The following ANLN variants were observed in gnomAD, a reference collection of about 807,000 sequenced individuals.
ANLN encodes anillin.
In ANLN, 59 loss-of-function variants were observed where a neutral mutation model predicts 135.1. The observed-to-expected ratio is 0.44, with a 90% CI of 0.35 to 0.54. ANLN has a LOEUF of 0.54. Among genes scored for constraint, ANLN ranks in the 20% least tolerant of loss-of-function variants. ANLN has a pLI of 0.00. For synonymous variants in ANLN, 406 were observed against 456.4 expected (o/e 0.89, Z 1.41); for missense variants, 1,182 against 1,340.0 (o/e 0.88, Z 1.84).
At chr7:36,441,859 G>T (rs1315515411) in intron 21 of ANLN, among the ~76,000 whole-genome samples, 1 of 152,214 alleles carries the variant, frequency 6.6e-6, no homozygotes, top group Non-Finnish European at 1.5e-5. Context: ...TTTCATGCTT[G>T]AGATTGAAAT....
At chr7:36,404,116 G>A (rs1183554714) in intron 3 of ANLN, among the ~76,000 whole-genome samples, 1 of 151,998 alleles carries the variant, frequency 6.6e-6, no homozygotes, top group African/African-American at 2.4e-5. Context: ...GTTTGCAGGC[G>A]CCCGTCACCG....
chr7:36,391,382 T>A (rs1374521591), intron 1 of ANLN, among the ~76,000 whole-genome samples: 1 of 152,200 alleles, frequency 6.6e-6, no homozygotes, highest in African/African-American at 2.4e-5. Context: ...TGGCTGAAAA[T>A]TGCACTTCAT....
rs1442803976 is a variant in ANLN, at chr7:36,419,453, C to G, written c.1843C>G (p.Gln615Glu). 1 of 1,613,684 alleles carries G rather than the reference C, an allele frequency of 6.2e-7. No homozygotes were observed. The highest frequency in any genetic ancestry group is 1.3e-5 in the African/African-American group (1 of 74,940). ...AATGTCTTTACTTGCACCATTGGCA[C>G]AAACAGTTGGTGTGGTAAGTCCAGA... ...SSMSLLAPLA[Q>E]TVGVVSPESL... Residue 615 changes from glutamine (Q) to glutamate (E), a missense_variant, in exon 10 of 24, where the codon CAA (glutamine) becomes GAA (glutamate). Gln to Glu is a conservative substitution (Grantham distance 29, BLOSUM62 2). Transcript: ENST00000265748.
At chr7:36,420,052 A>C in intron 10 of ANLN, 117 bp from the exon 11 acceptor site, 1 of 968,826 alleles carries the variant, frequency 1.0e-6, no homozygotes, top group Non-Finnish European at 1.5e-6. Context: ...TTTTATGATG[A>C]ATCAATCAGC....
At chr7:36,422,109 G>A in intron 13 of ANLN, 117 bp downstream of exon 13, 2 of 1,174,678 alleles carry the variant, frequency 1.7e-6, no homozygotes, top group East Asian at 2.7e-5. Context: ...CTGTTCCAGT[G>A]GATCTATTTT....
At chr7:36,408,842 C>T (rs1029772301) in intron 5 of ANLN, among the ~76,000 whole-genome samples, 8 of 152,162 alleles carry the variant, frequency 5.3e-5, no homozygotes, top group African/African-American at 1.9e-4. Flanking sequence ...GTGATTTATA[C>T]CTTCTGGCAC....
intron 15 of ANLN, among the ~76,000 whole-genome samples, 170 bp downstream of exon 15, chr7:36,424,113 A>C (rs193289873): frequency 3.3e-5 from 5 of 152,132 alleles, no homozygotes; most frequent in African/African-American, 9.7e-5. Context: ...ATATGTTTCT[A>C]TCCTTCCTTT....
chr7:36,449,424 T>A, intron 22 of ANLN: 1 of 310,774 alleles, frequency 3.2e-6, no homozygotes, highest in African/African-American at 2.2e-5. Context: ...TTCACCATAA[T>A]AAAGAGCTTT....
chr7:36,435,797 T>C lies in ANLN; in HGVS notation c.2884-3407T>C, dbSNP rs544307534. Among the ~76,000 whole-genome samples the C allele has an allele frequency of 3.0e-4, 37 of 124,888 alleles. No homozygotes were observed. The South Asian group carries it at 3.4e-3, about 12-fold the overall frequency. The allele number at this position is 124,888 out of a possible 152,430, so 81.9% of individuals were successfully genotyped here. A position where few individuals can be genotyped will look rare whatever the true frequency, so the allele number is the denominator to read the frequency against. On this transcript the variant is annotated intron_variant, in intron 20 of 23. Coordinates refer to ENST00000265748, the MANE Select transcript of ANLN (RefSeq NM_018685.5). ...CTGAGGCAGGAGAATGGCGTGAACC[T>C]GGGAGGCGGAGCTTGCAGTGAGCCG... is the stretch of plus-strand genomic sequence containing the variant.
Position 36,420,694 on chromosome 7 carries a change from GA to G in ANLN, c.2120del (p.Asn707IlefsTer21). 6.2e-7 allele frequency: 1 copy of G among 1,613,796 alleles called. No homozygotes were observed. The highest frequency in any genetic ancestry group is 8.5e-7 in the Non-Finnish European group (1 of 1,179,856). Reference sequence around the variant, plus strand: ...GGAAGATGTTACTTCAAAACTGGATGAAAAAAATAATGCCTTTCCTTGTCAA... The same window carrying G: ...GGAAGATGTTACTTCAAAACTGGATGAAAAAATAATGCCTTTCCTTGTCAA... ...RKEDVTSKLD[E>X]KNNAFPCQVN... On this transcript the variant is annotated frameshift_variant, in exon 12 of 24. Coordinates refer to ENST00000265748, the MANE Select transcript of ANLN (RefSeq NM_018685.5). LOFTEE classifies it high-confidence loss of function.
chr7:36,431,561 T>TTG (rs1186662720), intron 20 of ANLN, among the ~76,000 whole-genome samples: 1,242 of 75,904 alleles, frequency 0.016, 30 homozygotes, highest in African/African-American at 0.035. Flanking sequence ...ATGTGTGTGT[T>TTG]TGTGTGTGTG....
intron 2 of ANLN, among the ~76,000 whole-genome samples, chr7:36,397,641 A>G (rs1786761861): frequency 6.6e-6 from 1 of 152,246 alleles, no homozygotes; most frequent in Admixed American, 6.5e-5. Flanking sequence ...AGCCAAGTGT[A>G]GTGGCTCACG....
intron 20 of ANLN, among the ~76,000 whole-genome samples, chr7:36,437,523 A>T (rs1193300415): frequency 6.6e-6 from 1 of 152,132 alleles, no homozygotes; most frequent in Non-Finnish European, 1.5e-5. Context: ...TCAAGAACCC[A>T]TTTCAATCCT....
At chr7:36,448,257 C>T (rs1238150462) in intron 22 of ANLN, among the ~76,000 whole-genome samples, 3 of 152,098 alleles carry the variant, frequency 2.0e-5, no homozygotes, top group African/African-American at 4.8e-5. Context: ...CAAAGGTATC[C>T]GCCTGCCTCC....
At chr7:36,413,173 T>G (rs1228748899) in intron 7 of ANLN, among the ~76,000 whole-genome samples, 62 of 152,144 alleles carry the variant, frequency 4.1e-4, no homozygotes, top group Admixed American at 4.1e-3. Flanking sequence ...AACAAGCTAT[T>G]ATCTGCCATC....
chr7:36,392,038 A>G (rs1019326453), intron 1 of ANLN, among the ~76,000 whole-genome samples: 3 of 151,978 alleles, frequency 2.0e-5, no homozygotes, highest in African/African-American at 7.3e-5. Context: ...AGCTCTACTC[A>G]CAGGTGATAG....
At chr7:36,431,892 A>G (rs1362498947) in intron 20 of ANLN, among the ~76,000 whole-genome samples, 2 of 151,594 alleles carry the variant, frequency 1.3e-5, no homozygotes, top group Non-Finnish European at 2.9e-5. Context: ...TTTCCCCCCC[A>G]GAATAGGGCA....
At chr7:36,421,036 T>C (rs1184073043) in intron 12 of ANLN, among the ~76,000 whole-genome samples, 3 of 152,162 alleles carry the variant, frequency 2.0e-5, no homozygotes, top group African/African-American at 7.2e-5. Flanking sequence ...GTGGGAAATT[T>C]GTTATGCTCT....
In ANLN at chr7:36,426,995, T is replaced by A; in HGVS notation, c.2850T>A (p.Ser950=). The change falls in exon 20 of 24, where the codon TCT becomes TCA. Residue 950 remains serine (S), a synonymous_variant. Coordinates refer to ENST00000265748, the MANE Select transcript of ANLN (RefSeq NM_018685.5). ...TTGGATCTTACACATTATCATTGTC[T>A]TCAGTAGGAAATACTAAGTTTGTTC... ...ALVGSYTLSL[S]SVGNTKFVLD... The A allele has an allele frequency of 6.2e-7, 1 of 1,612,806 alleles. No homozygotes were observed.
Sources: allele counts gnomAD v4.1 joint callset (sites outside exome capture counted in the v4.1 genomes callset), GRCh38; gene constraint gnomAD v4.1.1; transcripts MANE v1.5; gene names NCBI Gene and HGNC (gene_info 2026-07-23, HGNC 2026-07-21).